OR2T2: variants seen among roughly 807,000 people sequenced by gnomAD.
The protein encoded by OR2T2 is olfactory receptor 2T2.
For synonymous variants in OR2T2, 50 were observed against 162.7 expected (o/e 0.31, Z 5.27); for missense variants, 138 against 409.1 (o/e 0.34, Z 5.72).
intron 2 of OR2T2, among the ~76,000 whole-genome samples, chr1:248,447,448 C>T (rs1361414): frequency 0.23 from 19,435 of 83,724 alleles, 1,640 homozygotes; most frequent in East Asian, 0.48. Flanking sequence ...TTCTGGTCTC[C>T]CTGCCTTCAC....
chr1:248,452,509 C>T (rs1384369975), intron 2 of OR2T2, among the ~76,000 whole-genome samples: 2 of 117,398 alleles, frequency 1.7e-5, no homozygotes, highest in African/African-American at 8.4e-5. Flanking sequence ...AGATTCTAAA[C>T]CAGGTACTGT....
intron 2 of OR2T2, among the ~76,000 whole-genome samples, chr1:248,448,020 T>C (rs1419369926): frequency 6.6e-6 from 1 of 152,294 alleles, no homozygotes; most frequent in East Asian, 1.9e-4. Flanking sequence ...CCCTGAGTCA[T>C]TCAGTAGCTG....
exon 3 of OR2T2, chr1:248,454,907 AGAAT>A (rs1296711316): frequency 9.6e-6 from 1 of 103,726 alleles, no homozygotes; most frequent in African/African-American, 3.8e-5. Context: ...AGATAAATGT[AGAAT>A]GAATAAACCA....
At chr1:248,447,149 C>A (rs1173276195) in intron 2 of OR2T2, among the ~76,000 whole-genome samples, 1 of 151,628 alleles carries the variant, frequency 6.6e-6, no homozygotes, top group South Asian at 2.1e-4. Context: ...TTGGATACTA[C>A]GTTGCTGTGG....
At chr1:248,450,095 C>T (rs1662758635) in intron 2 of OR2T2, among the ~76,000 whole-genome samples, 1 of 146,612 alleles carries the variant, frequency 6.8e-6, no homozygotes, top group South Asian at 2.3e-4. Flanking sequence ...TTGCAATGCC[C>T]AGTAGCCTAT....
intron 2 of OR2T2, among the ~76,000 whole-genome samples, chr1:248,450,393 C>T (rs1252990166): frequency 1.6e-4 from 23 of 145,136 alleles, no homozygotes; most frequent in Admixed American, 1.5e-3. Context: ...AATGAGGTGG[C>T]TAAAATCATA....
chr1:248,451,473 GTTT>G (rs1379924854), intron 2 of OR2T2, among the ~76,000 whole-genome samples: 1 of 116,058 alleles, frequency 8.6e-6, no homozygotes, highest in Non-Finnish European at 1.6e-5. Flanking sequence ...TATAGTTTTT[GTTT>G]TCTTGTTTTG....
chr1:248,453,158 T>A (rs1662849315), exon 3 of OR2T2: 2 of 1,612,236 alleles, frequency 1.2e-6, no homozygotes, highest in African/African-American at 2.7e-5. Context: ...TCTCATGGCC[T>A]ATGACCGCTA....
chr1:248,450,301 C>CT (rs1662764600), intron 2 of OR2T2, among the ~76,000 whole-genome samples: 1 of 145,552 alleles, frequency 6.9e-6, no homozygotes, highest in Non-Finnish European at 1.5e-5. Flanking sequence ...CATATGAACA[C>CT]ACTACACACA....
chr1:248,447,750 TAA>T (rs1662699150), intron 2 of OR2T2, among the ~76,000 whole-genome samples: 1 of 152,198 alleles, frequency 6.6e-6, no homozygotes, highest in African/African-American at 2.4e-5. Flanking sequence ...AGATGCTCTT[TAA>T]AAGTTTCATG....
intron 2 of OR2T2, among the ~76,000 whole-genome samples, chr1:248,447,087 A>G (rs1401518573): frequency 1.9e-4 from 29 of 152,174 alleles, no homozygotes; most frequent in African/African-American, 6.5e-4. Context: ...TAACTAAGGC[A>G]GTATGTAATT....
At chr1:248,447,745 C>A (rs1168066311) in intron 2 of OR2T2, among the ~76,000 whole-genome samples, 1 of 152,300 alleles carries the variant, frequency 6.6e-6, no homozygotes, top group South Asian at 2.1e-4. Flanking sequence ...CACTTAGATG[C>A]TCTTTAAAAG....
chr1:248,447,545 C>A (rs1374964619), intron 2 of OR2T2, among the ~76,000 whole-genome samples: 1 of 149,106 alleles, frequency 6.7e-6, no homozygotes. Flanking sequence ...CTCTCTTCCA[C>A]CCCTAGTGCC....
chr1:248,450,232 A>G (rs1275289296), intron 2 of OR2T2, among the ~76,000 whole-genome samples: 29 of 147,338 alleles, frequency 2.0e-4, no homozygotes, highest in Non-Finnish European at 3.8e-4. Flanking sequence ...CCTTTTCCCT[A>G]CACATATCCC....
chr1:248,448,254 TA>T (rs1281947864), intron 2 of OR2T2, among the ~76,000 whole-genome samples: 1 of 149,040 alleles, frequency 6.7e-6, no homozygotes, highest in Non-Finnish European at 1.5e-5. Flanking sequence ...AGAAAAACTT[TA>T]TCTTTGAAAT....
At chr1:248,445,652 G>A (rs1347816222) in exon 1 of OR2T2, 2 of 152,370 alleles carry the variant, frequency 1.3e-5, no homozygotes, top group African/African-American at 4.8e-5. Context: ...AGAAAGACTT[G>A]GACCCAGCTT....
chr1:248,446,701 C>A (rs1397152824), exon 2 of OR2T2: 1 of 148,106 alleles, frequency 6.8e-6, no homozygotes, highest in African/African-American at 2.7e-5. Context: ...CACATCACAG[C>A]CCTCCTGCTG....
chr1:248,446,697 A>G (rs925965429), exon 2 of OR2T2: 2 of 147,914 alleles, frequency 1.4e-5, no homozygotes, highest in East Asian at 3.8e-4. Context: ...CATCCACATC[A>G]CAGCCCTCCT....
intron 2 of OR2T2, chr1:248,449,219 GAGA>G (rs1173520295): frequency 4.0e-5 from 6 of 151,846 alleles, no homozygotes; most frequent in East Asian, 2.0e-4. Flanking sequence ...GTGTCAAGTG[GAGA>G]AGATCAGTTC....
Sources: allele counts gnomAD v4.1 joint callset (sites outside exome capture counted in the v4.1 genomes callset), GRCh38; gene constraint gnomAD v4.1.1; transcripts MANE v1.5; gene names NCBI Gene and HGNC (gene_info 2026-07-23, HGNC 2026-07-21).